The following SCARA3 variants were observed in gnomAD, a reference collection of about 807,000 sequenced individuals.
SCARA3 encodes cellular stress response gene protein.
A neutral mutation model predicts 47.0 loss-of-function variants in SCARA3; 39 were observed. The ratio of observed to expected loss-of-function variants is 0.83; its 90% CI spans 0.64 to 1.08. The LOEUF (loss-of-function observed/expected upper bound fraction) is 1.08. Among genes scored for constraint, SCARA3 ranks in the 50% least tolerant of loss-of-function variants. The pLI, the probability that SCARA3 is intolerant of heterozygous loss-of-function variation, is 0.00. For missense variants in SCARA3, 724 were observed against 792.3 expected (o/e 0.91, Z 1.04); for synonymous variants, 356 against 334.1 (o/e 1.07, Z -0.71).
At chr8:27,725,106 C>T in the SCARA3 span, among the ~76,000 whole-genome samples, 2 of 152,274 alleles carry the variant, frequency 1.3e-5, no homozygotes, top group African/African-American at 2.4e-5. Flanking sequence ...GCTGTGATTG[C>T]ACCACTGCAC....
Position 27,670,928 on chromosome 8 carries a change from A to G in SCARA3, c.1398A>G (p.Gly466=). The G allele has an allele frequency of 6.4e-7, 1 of 1,566,394 alleles. No individual in the cohort carries two copies. The highest frequency in any genetic ancestry group is 8.6e-7 in the Non-Finnish European group (1 of 1,161,706). ...CCCCCGGCCCTCCAGGACCAAGAGG[A>G]TTCAAAGGAGATATGGGCGTGAAAG... The part of the protein sequence containing the change: ...RGAPGPPGPR[G]FKGDMGVKGP... The change falls in exon 6 of 6, where the codon GGA becomes GGG. Residue 466 remains glycine (G), a synonymous_variant. Transcript: ENST00000301904.
intron 3 of SCARA3, among the ~76,000 whole-genome samples, chr8:27,654,031 G>A (rs1211105959): frequency 6.6e-6 from 1 of 152,152 alleles, no homozygotes; most frequent in African/African-American, 2.4e-5. Context: ...GCCATAATTT[G>A]CAACACCCCT....
chr8:27,703,980 A>G, the SCARA3 span, among the ~76,000 whole-genome samples: 2 of 150,408 alleles, frequency 1.3e-5, no homozygotes, highest in African/African-American at 4.9e-5. Context: ...AGGGGCTGGC[A>G]TTTAATAATG....
downstream of SCARA3, among the ~76,000 whole-genome samples, chr8:27,681,326 T>C (rs1802351155): frequency 1.9e-5 from 1 of 52,916 alleles, no homozygotes; most frequent in Non-Finnish European, 4.2e-5. Flanking sequence ...CTCTATATAC[T>C]AGCTACAAAA....
At chr8:27,639,432 G>T (rs975843727) in intron 1 of SCARA3, among the ~76,000 whole-genome samples, 11 of 152,174 alleles carry the variant, frequency 7.2e-5, no homozygotes, top group Non-Finnish European at 1.2e-4. Flanking sequence ...GAGCTGAAGG[G>T]TGGGGAGGAG....
Position 27,649,770 on chromosome 8 carries a change from G to T in SCARA3, c.76G>T (p.Asp26Tyr). The T allele has an allele frequency of 6.2e-7, 1 of 1,614,156 alleles. No individual in the cohort carries two copies. The highest frequency in any genetic ancestry group is 8.5e-7 in the Non-Finnish European group (1 of 1,180,032). Residue 26 changes from aspartate to tyrosine, a missense_variant, in exon 2 of 6, where the codon GAC becomes TAC. By Grantham distance (160) the Asp-to-Tyr change is radical. Coordinates refer to ENST00000301904, the MANE Select transcript of SCARA3 (RefSeq NM_016240.3). ...TEEDLAGDDE[D>Y]MPTFPCTQKG... ...AGAGGACCTGGCGGGTGACGACGAG[G>T]ACATGCCGACCTTCCCATGCACCCA...
chr8:27,697,233 C>A, the SCARA3 span: 1 of 219,442 alleles, frequency 4.6e-6, no homozygotes, highest in Non-Finnish European at 9.8e-6. Context: ...ACGCAGCCTG[C>A]AGCTGCTTAG....
rs472707 is a variant in SCARA3, at chr8:27,634,137, C to A, written c.-64C>A. Reference sequence around the variant, plus strand: ...GCGCCCTGGAGGATCCGCCGGCCGCCCGGCTCCACTACAGCTCCAGCCGCC... The same window carrying A: ...GCGCCCTGGAGGATCCGCCGGCCGCACGGCTCCACTACAGCTCCAGCCGCC... On this transcript the variant is annotated 5_prime_UTR_variant, in exon 1 of 6. Coordinates refer to ENST00000301904, the MANE Select transcript of SCARA3 (RefSeq NM_016240.3). The A allele has an allele frequency of 1.4e-6, 2 of 1,426,658 alleles. No individual in the cohort carries two copies. Among genetic ancestry groups the A allele is most frequent in the Non-Finnish European group, 1.8e-6 (2 of 1,091,868 alleles). 88.4% of individuals were successfully genotyped at this position (1,426,658 alleles called of 1,614,324 possible). A position where few individuals can be genotyped will look rare whatever the true frequency, so the allele number is the denominator to read the frequency against.
chr8:27,720,961 C>T, the SCARA3 span, among the ~76,000 whole-genome samples: 8 of 152,092 alleles, frequency 5.3e-5, no homozygotes, highest in African/African-American at 1.9e-4. Context: ...CCTATTTATC[C>T]ATCCATCCAT....
chr8:27,646,304 C>T (rs912463179), intron 1 of SCARA3, among the ~76,000 whole-genome samples: 4 of 152,310 alleles, frequency 2.6e-5, no homozygotes, highest in Admixed American at 1.3e-4. Flanking sequence ...TGGAAAGCCT[C>T]GTTAGCAATT....
intron 1 of SCARA3, among the ~76,000 whole-genome samples, chr8:27,635,150 C>G (rs1444095231): frequency 6.6e-6 from 1 of 152,320 alleles, no homozygotes; most frequent in Middle Eastern, 3.4e-3. Flanking sequence ...CAACCACACT[C>G]TCAGGTGCCA....
Position 27,672,011 on chromosome 8 carries a change from G to C in SCARA3, c.*660G>C. ...GCCAGCAGTTTCCCAGGGCTCCCTGGGGTTGAAAAGCCCCAAGGAAACCTT... is the reference window on the plus strand; with the variant it reads ...GCCAGCAGTTTCCCAGGGCTCCCTGCGGTTGAAAAGCCCCAAGGAAACCTT... On this transcript the variant is annotated 3_prime_UTR_variant, in exon 6 of 6. Coordinates refer to ENST00000301904, the MANE Select transcript of SCARA3 (RefSeq NM_016240.3). 1 of 985,328 alleles carries C rather than the reference G, an allele frequency of 1.0e-6. No individual in the cohort carries two copies. The highest frequency in any genetic ancestry group is 1.2e-6 in the Non-Finnish European group (1 of 829,910). The allele number at this position is 985,328 out of a possible 1,614,324, so 61.0% of individuals were successfully genotyped here.
At chr8:27,667,139 C>A (rs990305520) in intron 5 of SCARA3, among the ~76,000 whole-genome samples, 1 of 152,216 alleles carries the variant, frequency 6.6e-6, no homozygotes, top group Non-Finnish European at 1.5e-5. Flanking sequence ...GTCAGTGGCA[C>A]CCCGGCCTGG....
the SCARA3 span, among the ~76,000 whole-genome samples, chr8:27,692,756 C>A: frequency 6.6e-6 from 1 of 152,080 alleles, no homozygotes; most frequent in African/African-American, 2.4e-5. Context: ...CCTGCACAAC[C>A]CCTTATCTTA....
chr8:27,634,028 C>T lies in SCARA3; in HGVS notation c.-173C>T. The T allele has an allele frequency of 2.4e-6, 1 of 417,976 alleles. No homozygotes were observed. Among genetic ancestry groups the T allele is most frequent in the Non-Finnish European group, 3.9e-6 (1 of 254,994 alleles). The allele number at this position is 417,976 out of a possible 1,614,324, so 25.9% of individuals were successfully genotyped here. A position where few individuals can be genotyped will look rare whatever the true frequency, so the allele number is the denominator to read the frequency against. Reference sequence around the variant, plus strand: ...CGACCCCGCGGGACCCTCCACTCCTCCCGCCGCCTCCGCAGCCCGCGCGCC... The same window carrying T: ...CGACCCCGCGGGACCCTCCACTCCTTCCGCCGCCTCCGCAGCCCGCGCGCC... On this transcript the variant is annotated 5_prime_UTR_variant, in exon 1 of 6. Coordinates refer to ENST00000301904, the MANE Select transcript of SCARA3 (RefSeq NM_016240.3).
At chr8:27,733,355 G>A in the SCARA3 span, 1 of 152,186 alleles carries the variant, frequency 6.6e-6, no homozygotes, top group Non-Finnish European at 1.5e-5. Context: ...GTATTTTACA[G>A]ATCATTCATT....
the SCARA3 span, among the ~76,000 whole-genome samples, chr8:27,708,551 A>G: frequency 6.6e-6 from 1 of 152,228 alleles, no homozygotes; most frequent in Non-Finnish European, 1.5e-5. Flanking sequence ...CTAAAATGAC[A>G]TATCAAGAAA....
chr8:27,670,784 T>A, intron 5 of SCARA3, 116 bp from the exon 6 acceptor site: 1 of 766,154 alleles, frequency 1.3e-6, no homozygotes, highest in Non-Finnish European at 2.1e-6. Flanking sequence ...GAGAAATGAG[T>A]GTCCGCTGGA....
chr8:27,687,038 C>T, the SCARA3 span, among the ~76,000 whole-genome samples: 1 of 151,234 alleles, frequency 6.6e-6, no homozygotes, highest in Non-Finnish European at 1.5e-5. Flanking sequence ...TCAAATGGGG[C>T]TGATCTCAGC....
Sources: gnomAD v4.1 joint callset for allele counts (sites outside exome capture counted in the v4.1 genomes callset) on GRCh38, gnomAD v4.1.1 for gene constraint, MANE v1.5 for transcripts, NCBI Gene and HGNC (gene_info 2026-07-23, HGNC 2026-07-21) for gene names.